The following VPS13A variants were observed in gnomAD, a reference collection of about 807,000 sequenced individuals.
VPS13A encodes vacuolar protein sorting 13 homolog A.
VPS13A carries 264 observed loss-of-function variants against 390.9 expected under a neutral mutation model. The ratio of observed to expected loss-of-function variants is 0.68; its 90% CI spans 0.61 to 0.75. VPS13A has a LOEUF of 0.75. Ranked by LOEUF, VPS13A falls within the 30% of genes least tolerant of loss-of-function variation. The pLI, the probability that VPS13A is intolerant of heterozygous loss-of-function variation, is 0.00. For synonymous variants in VPS13A, 1,231 were observed against 1,227.1 expected, an observed-to-expected ratio of 1.00 and a Z score of -0.07; for missense variants, 3,409 against 3,733.9, an observed-to-expected ratio of 0.91 and a Z score of 2.27.
At chr9:77,291,980 A>AT (rs1827698292) in intron 31 of VPS13A, among the ~76,000 whole-genome samples, 1 of 151,862 alleles carries the variant, frequency 6.6e-6, no homozygotes, top group African/African-American at 2.4e-5. Flanking sequence ...CTAGAGTTTT[A>AT]TTTTATTCTT....
chr9:77,241,990 G>T (rs958729767), intron 19 of VPS13A, among the ~76,000 whole-genome samples: 2 of 152,098 alleles, frequency 1.3e-5, no homozygotes, highest in African/African-American at 2.4e-5. Flanking sequence ...GAGAACTCTT[G>T]CAAGACTCTC....
chr9:77,203,119 G>A (rs973105076), intron 3 of VPS13A, among the ~76,000 whole-genome samples: 5 of 152,048 alleles, frequency 3.3e-5, no homozygotes, highest in African/African-American at 4.8e-5. Flanking sequence ...AATTTCCCTC[G>A]TTTAGAATGC....
intron 23 of VPS13A, among the ~76,000 whole-genome samples, chr9:77,270,517 C>A (rs1048117384): frequency 1.3e-5 from 2 of 152,106 alleles, no homozygotes; most frequent in East Asian, 3.9e-4. Flanking sequence ...ACGATGAAAT[C>A]CCGTCTCTAC....
chr9:77,308,523 G>A (rs952685324), intron 35 of VPS13A, among the ~76,000 whole-genome samples: 4 of 152,220 alleles, frequency 2.6e-5, no homozygotes, highest in Admixed American at 6.5e-5. Context: ...GAATATCAAA[G>A]TATTAGAGGT....
chr9:77,180,581 G>T (rs1823948433), intron 1 of VPS13A, among the ~76,000 whole-genome samples: 1 of 152,082 alleles, frequency 6.6e-6, no homozygotes, highest in South Asian at 2.1e-4. Context: ...TTTAGGTTTT[G>T]GATTTCTTTT....
intron 33 of VPS13A, among the ~76,000 whole-genome samples, chr9:77,298,436 G>A (rs1264160993): frequency 6.6e-6 from 1 of 152,168 alleles, no homozygotes; most frequent in Admixed American, 6.5e-5. Flanking sequence ...GACGAAGTAG[G>A]AGCAGACAGA....
intron 19 of VPS13A, among the ~76,000 whole-genome samples, chr9:77,243,009 A>G (rs1451674121): frequency 6.6e-6 from 1 of 152,046 alleles, no homozygotes; most frequent in Non-Finnish European, 1.5e-5. Context: ...TAATTTTTAA[A>G]ATTTAATATA....
At chr9:77,407,709 TTTG>T in intron 71 of VPS13A, 102 bp downstream of exon 71, 1 of 926,940 alleles carries the variant, frequency 1.1e-6, no homozygotes, top group South Asian at 1.5e-5. Flanking sequence ...GGGGTTTTTG[TTTG>T]TTTGTTTTGC....
chr9:77,243,740 T>C (rs1228975114), intron 19 of VPS13A, among the ~76,000 whole-genome samples: 6 of 152,196 alleles, frequency 3.9e-5, no homozygotes, highest in Non-Finnish European at 1.5e-5. Context: ...ATGGATGTAG[T>C]TCTTGCCTAT....
At chr9:77,210,261 C>T (rs1425403327) in intron 6 of VPS13A, among the ~76,000 whole-genome samples, 2 of 140,946 alleles carry the variant, frequency 1.4e-5, no homozygotes, top group Admixed American at 1.5e-4. Flanking sequence ...AAGACAAGGC[C>T]TCACACTGTC....
chr9:77,232,969 G>A (rs1465857209), intron 17 of VPS13A, among the ~76,000 whole-genome samples: 1 of 152,184 alleles, frequency 6.6e-6, no homozygotes, highest in Non-Finnish European at 1.5e-5. Flanking sequence ...AAGTTTAAAA[G>A]GTTATAGTAA....
At chr9:77,382,361 AACT>A (rs1563979227) in intron 68 of VPS13A, 2 of 1,516,368 alleles carry the variant, frequency 1.3e-6, no homozygotes, top group Non-Finnish European at 1.8e-6. Context: ...AAAATTTACA[AACT>A]ACGTACAGCT....
chr9:77,319,698 G>A (rs1564725671), intron 42 of VPS13A, 25 bp downstream of exon 42: 133 of 1,074,512 alleles, frequency 1.2e-4, no homozygotes, highest in Non-Finnish European at 1.6e-4. Context: ...GTCTATGTGT[G>A]TATATATATA....
Position 77,314,606 on chromosome 9 carries a change from T to C in VPS13A, c.4354T>C (p.Ser1452Pro). The change falls in exon 37 of 72, where the codon TCA becomes CCA. Residue 1452 changes from serine to proline, a missense_variant. By Grantham distance (74) the Ser-to-Pro change is moderately conservative (BLOSUM62 -1). Coordinates refer to ENST00000360280, the MANE Select transcript of VPS13A (RefSeq NM_033305.3). ...AGATGGCTCAACATTTTCTTCCTTC[T>C]CATTAAAAAACTGTATTTTAGATGA... ...YTDGSTFSSF[S>P]LKNCILDDKR... is the part of the protein sequence containing the mutation. The C allele has an allele frequency of 6.2e-7, 1 of 1,612,104 alleles. No individual in the cohort carries two copies. Among genetic ancestry groups the C allele is most frequent in the Non-Finnish European group, 8.5e-7 (1 of 1,179,028 alleles).
At chr9:77,268,974 A>G (rs1050213392) in intron 23 of VPS13A, among the ~76,000 whole-genome samples, 11 of 151,526 alleles carry the variant, frequency 7.3e-5, no homozygotes, top group African/African-American at 2.7e-4. Flanking sequence ...TTAATGTCCC[A>G]TTACTCCTGA....
chr9:77,206,515 CTG>C (rs1184461300), intron 5 of VPS13A, among the ~76,000 whole-genome samples: 1 of 152,178 alleles, frequency 6.6e-6, no homozygotes, highest in African/African-American at 2.4e-5. Flanking sequence ...TTGCCTCTAT[CTG>C]TTTATTTACC....
At chr9:77,364,982 AAGG>A (rs371554545) in intron 59 of VPS13A, among the ~76,000 whole-genome samples, 266 of 152,292 alleles carry the variant, frequency 1.7e-3, no homozygotes, top group African/African-American at 6.0e-3. Flanking sequence ...TGAGCATTTA[AAGG>A]AGAAGTATTG....
At chr9:77,207,727 C>T (rs756304910) in intron 5 of VPS13A, among the ~76,000 whole-genome samples, 6 of 152,062 alleles carry the variant, frequency 3.9e-5, no homozygotes, top group Non-Finnish European at 7.4e-5. Context: ...GGGGACCTAA[C>T]TTAACTGCTC....
intron 68 of VPS13A, chr9:77,384,948 A>G: frequency 1.7e-6 from 2 of 1,207,402 alleles, no homozygotes; most frequent in Non-Finnish European, 2.1e-6. Flanking sequence ...GTTTGTCTTT[A>G]AGAGTTCAAG....
Sources: allele counts gnomAD v4.1 joint callset (sites outside exome capture counted in the v4.1 genomes callset), GRCh38; gene constraint gnomAD v4.1.1; transcripts MANE v1.5; gene names NCBI Gene and HGNC (gene_info 2026-07-23, HGNC 2026-07-21).